The following PLCB1 variants were observed in gnomAD, a reference collection of about 807,000 sequenced individuals.
PLCB1 encodes 1-phosphatidylinositol 4,5-bisphosphate phosphodiesterase beta-1.
PLCB1 carries 46 observed loss-of-function variants against 161.8 expected under a neutral mutation model. The observed-to-expected ratio is 0.28, with a 90% confidence interval of 0.22 to 0.36. PLCB1 has a LOEUF of 0.36. Among genes scored for constraint, PLCB1 ranks in the 10% least tolerant of loss-of-function variants. The pLI is 1.00. For missense variants in PLCB1, 1,016 were observed against 1,472.5 expected (o/e 0.69, Z 5.07); for synonymous variants, 517 against 503.7 (o/e 1.03, Z -0.35).
intron 23 of PLCB1, among the ~76,000 whole-genome samples, chr20:8,755,662 T>A (rs1186912512): frequency 6.6e-6 from 1 of 152,236 alleles, no homozygotes; most frequent in Admixed American, 6.5e-5. Context: ...TTATTATTAT[T>A]ATTCATTGGT....
At chr20:8,668,804 C>A (rs1176209179) in intron 9 of PLCB1, among the ~76,000 whole-genome samples, 2 of 152,170 alleles carry the variant, frequency 1.3e-5, no homozygotes, top group African/African-American at 4.8e-5. Context: ...CCAGTACAGT[C>A]TGCTATGATA....
At chr20:8,821,840 G>A (rs770889391) in intron 31 of PLCB1, among the ~76,000 whole-genome samples, 2 of 151,596 alleles carry the variant, frequency 1.3e-5, no homozygotes, top group African/African-American at 2.4e-5. Context: ...CCGCCCCCTC[G>A]CAGTGTGCAC....
At chr20:8,136,609 G>A (rs1369526319) in intron 1 of PLCB1, among the ~76,000 whole-genome samples, 3 of 145,530 alleles carry the variant, frequency 2.1e-5, no homozygotes, top group Admixed American at 1.4e-4. Context: ...CTGGGCGACA[G>A]AGCAAGACTC....
At chr20:8,718,403 C>T (rs564412277) in intron 14 of PLCB1, among the ~76,000 whole-genome samples, 103 of 152,302 alleles carry the variant, frequency 6.8e-4, no homozygotes, top group African/African-American at 2.5e-3. Flanking sequence ...GGGCTACACT[C>T]CAGGTGTCAG....
chr20:8,215,039 A>G (rs1427012315), intron 2 of PLCB1, among the ~76,000 whole-genome samples: 2 of 152,016 alleles, frequency 1.3e-5, no homozygotes, highest in Admixed American at 6.6e-5. Context: ...TCTCAGCTCC[A>G]CAGCTACTTT....
In PLCB1 at chr20:8,509,729, C is replaced by CATAGATAG. The variant is rs11468649; in HGVS notation, c.247-118516_247-118509dup. On this transcript the variant is annotated intron_variant, in intron 3 of 31. Transcript: ENST00000338037. ...ATGATTGATAAAGAGATAGGCAGAT[C>CATAGATAG]ATAGATAGATAGATAGATAGATAGA... Among the ~76,000 whole-genome samples the CATAGATAG allele has an allele frequency of 1.5e-3, 218 of 148,034 alleles. 1 individual carries two copies. Among genetic ancestry groups the CATAGATAG allele is most frequent in the Admixed American group, 3.2e-3 (47 of 14,790 alleles).
At chr20:8,258,137 G>T (rs962135251) in intron 2 of PLCB1, among the ~76,000 whole-genome samples, 9 of 152,038 alleles carry the variant, frequency 5.9e-5, no homozygotes, top group African/African-American at 2.2e-4. Flanking sequence ...TTTTTAAAAA[G>T]AAACATTATA....
chr20:8,523,496 C>CTCTCTCTCTCTCTCTCTCTCTATATA, intron 3 of PLCB1, among the ~76,000 whole-genome samples: 8 of 51,654 alleles, frequency 1.5e-4, no homozygotes, highest in Admixed American at 4.8e-4. Context: ...CTCTCTCTCT[C>CTCTCTCTCTCTCTCTCTCTCTATATA]TATATATATA....
intron 3 of PLCB1, among the ~76,000 whole-genome samples, chr20:8,624,526 T>C (rs1568533613): frequency 6.6e-6 from 1 of 152,220 alleles, no homozygotes; most frequent in Non-Finnish European, 1.5e-5. Context: ...ATTTAACTCT[T>C]TTTTTAAATC....
intron 3 of PLCB1, among the ~76,000 whole-genome samples, chr20:8,511,966 G>A (rs917200445): frequency 4.0e-4 from 61 of 151,692 alleles, no homozygotes; most frequent in Admixed American, 1.2e-3. Context: ...ATTTTCTCTC[G>A]CTCTGGGTTG....
intron 3 of PLCB1, among the ~76,000 whole-genome samples, chr20:8,445,173 G>A (rs1383672930): frequency 6.6e-6 from 1 of 152,132 alleles, no homozygotes; most frequent in Non-Finnish European, 1.5e-5. Flanking sequence ...GGTTTTTATG[G>A]TTTTAGGTCT....
At chr20:8,721,850 G>A (rs1979650615) in intron 14 of PLCB1, among the ~76,000 whole-genome samples, 1 of 152,096 alleles carries the variant, frequency 6.6e-6, no homozygotes, top group Non-Finnish European at 1.5e-5. Context: ...CTGGCCTTGG[G>A]AAAAATGTCA....
At chr20:8,329,629 A>G (rs1281235300) in intron 2 of PLCB1, among the ~76,000 whole-genome samples, 1 of 152,206 alleles carries the variant, frequency 6.6e-6, no homozygotes, top group Non-Finnish European at 1.5e-5. Flanking sequence ...TTTCTTGTGC[A>G]ATGATAATGT....
At chr20:8,228,441 C>T (rs1170596436) in intron 2 of PLCB1, among the ~76,000 whole-genome samples, 1 of 152,112 alleles carries the variant, frequency 6.6e-6, no homozygotes, top group African/African-American at 2.4e-5. Context: ...TGACAAGTCT[C>T]CTTGCCTTCT....
chr20:8,767,703 G>A (rs1480861546), intron 26 of PLCB1, among the ~76,000 whole-genome samples: 2 of 152,140 alleles, frequency 1.3e-5, no homozygotes, highest in East Asian at 1.9e-4. Context: ...ACCACAGGGG[G>A]CTTCCTCTCT....
chr20:8,267,835 T>C (rs1278928406), intron 2 of PLCB1, among the ~76,000 whole-genome samples: 1 of 152,034 alleles, frequency 6.6e-6, no homozygotes, highest in Non-Finnish European at 1.5e-5. Flanking sequence ...ACCAGTTTGA[T>C]TGGCTCTAGG....
chr20:8,411,287 G>A (rs1190776041), intron 3 of PLCB1, among the ~76,000 whole-genome samples: 1 of 152,114 alleles, frequency 6.6e-6, no homozygotes, highest in Non-Finnish European at 1.5e-5. Context: ...TTATTAATAG[G>A]TTGAAATGAT....
intron 3 of PLCB1, among the ~76,000 whole-genome samples, chr20:8,425,091 T>C (rs1344720404): frequency 5.3e-5 from 8 of 151,614 alleles, no homozygotes; most frequent in African/African-American, 1.2e-4. Context: ...AAACATCTGA[T>C]TGGTTGCTTT....
At position 8,594,943 on chromosome 20, in the gene PLCB1, T is replaced by C. The variant is rs574338377; in HGVS notation, c.247-33351T>C. ...TACAAACTTTTGAATTGTTTTTAAA[T>C]TTTGCATCCCATATTCTAACACCGA... On this transcript the variant is annotated intron_variant, in intron 3 of 31. Transcript: ENST00000338037. 3.9e-5 allele frequency among the ~76,000 whole-genome samples: 6 copies of C among 152,298 alleles called. No individual in the cohort carries two copies. In the East Asian group the frequency reaches 1.2e-3, roughly 29 times the overall value.
Sources: allele counts gnomAD v4.1 joint callset (sites outside exome capture counted in the v4.1 genomes callset), GRCh38; gene constraint gnomAD v4.1.1; transcripts MANE v1.5; gene names NCBI Gene and HGNC (gene_info 2026-07-23, HGNC 2026-07-21).